Variants in TBC1D9 observed in about 807,000 individuals in gnomAD.
The protein encoded by TBC1D9 is TBC1 domain family member 9A.
In TBC1D9, 63 loss-of-function variants were observed where a neutral mutation model predicts 132.0. The ratio of observed to expected loss-of-function variants is 0.48; its 90% CI spans 0.39 to 0.59. The LOEUF (loss-of-function observed/expected upper bound fraction) is 0.59, where lower values mean the gene tolerates loss of function less well. Ranked by LOEUF, TBC1D9 falls within the 20% of genes least tolerant of loss-of-function variation. TBC1D9 has a pLI of 0.00. For missense variants in TBC1D9, 1,261 were observed against 1,592.7 expected (o/e 0.79, Z 3.54); for synonymous variants, 610 against 609.9 (o/e 1.00, Z 0.00).
chr4:140,714,043 T>TG (rs1278526401), intron 1 of TBC1D9, among the ~76,000 whole-genome samples: 1 of 152,150 alleles, frequency 6.6e-6, no homozygotes, highest in East Asian at 1.9e-4. Context: ...AATATTAGCC[T>TG]GGGGGGCTGA....
intron 9 of TBC1D9, among the ~76,000 whole-genome samples, chr4:140,668,032 AC>A (rs1737475384): frequency 6.6e-6 from 1 of 152,216 alleles, no homozygotes; most frequent in African/African-American, 2.4e-5. Context: ...AAAAATATTC[AC>A]ATAAGCCTAT....
intron 9 of TBC1D9, among the ~76,000 whole-genome samples, chr4:140,666,491 G>A (rs558410330): frequency 5.3e-5 from 8 of 152,168 alleles, no homozygotes; most frequent in Middle Eastern, 3.4e-3. Context: ...GCCCGCCACC[G>A]CGCCCATCTA....
chr4:140,656,885 G>T (rs1321102529), intron 13 of TBC1D9, among the ~76,000 whole-genome samples: 1 of 152,186 alleles, frequency 6.6e-6, no homozygotes, highest in Non-Finnish European at 1.5e-5. Context: ...CCCTCCGGAG[G>T]ACACTGCATG....
chr4:140,692,195 C>T (rs902930748), intron 2 of TBC1D9, among the ~76,000 whole-genome samples: 8 of 152,148 alleles, frequency 5.3e-5, no homozygotes, highest in Non-Finnish European at 8.8e-5. Context: ...ATAAAAACCA[C>T]TCATCACATA....
intron 1 of TBC1D9, among the ~76,000 whole-genome samples, chr4:140,731,795 GA>G (rs946753147): frequency 6.6e-5 from 10 of 151,888 alleles, no homozygotes; most frequent in African/African-American, 2.2e-4. Flanking sequence ...ATAGCTCTAT[GA>G]AAAAAACACG....
chr4:140,642,811 C>T (rs1332636086), intron 13 of TBC1D9: 7 of 614,352 alleles, frequency 1.1e-5, no homozygotes, highest in Non-Finnish European at 2.0e-5. Context: ...TGCAGTTCTT[C>T]CCCCTCTTGC....
intron 6 of TBC1D9, among the ~76,000 whole-genome samples, chr4:140,676,151 G>T (rs373743429): frequency 6.6e-6 from 1 of 152,114 alleles, no homozygotes. Flanking sequence ...CTATTTACTC[G>T]GCGTAGCCCA....
At chr4:140,624,292 A>G in intron 19 of TBC1D9, 22 bp downstream of exon 19, 1 of 1,613,164 alleles carries the variant, frequency 6.2e-7, no homozygotes, top group Non-Finnish European at 8.5e-7. Flanking sequence ...GAAGGTAAAC[A>G]TATAGAAGAG....
chr4:140,704,614 C>T (rs1213748535), intron 1 of TBC1D9, among the ~76,000 whole-genome samples: 1 of 152,076 alleles, frequency 6.6e-6, no homozygotes, highest in African/African-American at 2.4e-5. Context: ...CTGCCACTTC[C>T]TCCTGGAGCC....
Position 140,622,693 on chromosome 4 carries a change from T to C in TBC1D9, c.3303A>G (p.Pro1101=). Residue 1101 remains proline (P), a synonymous_variant, in exon 21 of 21, where the codon CCA becomes CCG. Coordinates refer to ENST00000442267, the MANE Select transcript of TBC1D9 (RefSeq NM_015130.3). ...CAGACTCCACCACGTAAGGCTGGCCTGGCCCTTTCTTGGGGAAGAGCACGC... is the reference window on the plus strand; with the variant it reads ...CAGACTCCACCACGTAAGGCTGGCCCGGCCCTTTCTTGGGGAAGAGCACGC... ...IPGVLFPKKG[P]GQPYVVESVE... is the part of the protein sequence containing the mutation. 1 of 1,611,840 alleles carries C rather than the reference T, an allele frequency of 6.2e-7. No individual in the cohort carries two copies. The highest frequency in any genetic ancestry group is 8.5e-7 in the Non-Finnish European group (1 of 1,179,302).
chr4:140,701,798 G>C (rs1003755664), intron 1 of TBC1D9, among the ~76,000 whole-genome samples, 184 bp from the exon 2 acceptor site: 1 of 152,200 alleles, frequency 6.6e-6, no homozygotes, highest in Non-Finnish European at 1.5e-5. Context: ...AACTTGACAA[G>C]GTCACGAGAA....
At chr4:140,661,761 A>T in intron 10 of TBC1D9, 132 bp downstream of exon 10, 1 of 727,572 alleles carries the variant, frequency 1.4e-6, no homozygotes, top group Non-Finnish European at 2.3e-6. Flanking sequence ...CAGAGTGTCA[A>T]CAGTGCCAAG....
intron 4 of TBC1D9, 78 bp downstream of exon 4, chr4:140,679,537 T>C (rs1737674277): frequency 2.0e-6 from 2 of 1,001,432 alleles, no homozygotes; most frequent in Non-Finnish European, 3.0e-6. Flanking sequence ...ATTTCTGATA[T>C]TTTGATGTGG....
At chr4:140,625,936 C>T (rs1178103795) in intron 18 of TBC1D9, among the ~76,000 whole-genome samples, 13 of 152,076 alleles carry the variant, frequency 8.5e-5, no homozygotes, top group Admixed American at 8.5e-4. Context: ...TTATTTTACC[C>T]GTACCTGAAA....
chr4:140,696,455 CAAAAAAAAAA>C (rs35713619), intron 2 of TBC1D9, among the ~76,000 whole-genome samples: 13 of 61,580 alleles, frequency 2.1e-4, no homozygotes, highest in African/African-American at 7.9e-4. Context: ...GAGTCCGTCT[CAAAAAAAAAA>C]AAAAAAAAAA....
chr4:140,742,592 TC>T (rs1296527583), intron 1 of TBC1D9, among the ~76,000 whole-genome samples: 1 of 141,548 alleles, frequency 7.1e-6, no homozygotes. Context: ...AGAATGCACA[TC>T]TGACAAGAAA....
At chr4:140,716,985 C>A (rs952718651) in intron 1 of TBC1D9, among the ~76,000 whole-genome samples, 1 of 150,874 alleles carries the variant, frequency 6.6e-6, no homozygotes. Flanking sequence ...TGGTCTCAAC[C>A]TATCTCTGCA....
intron 5 of TBC1D9, 90 bp from the exon 6 acceptor site, chr4:140,677,191 C>A: frequency 6.8e-7 from 1 of 1,474,520 alleles, no homozygotes; most frequent in Non-Finnish European, 9.3e-7. Context: ...GCCCATTTTC[C>A]ACCTCCTCAA....
intron 13 of TBC1D9, chr4:140,645,578 C>T (rs1310816788): frequency 3.6e-6 from 1 of 280,042 alleles, no homozygotes; most frequent in African/African-American, 2.3e-5. Flanking sequence ...TATCTTCCCC[C>T]AGTAGTAAGA....
Sources: gnomAD v4.1 joint callset for allele counts (sites outside exome capture counted in the v4.1 genomes callset) on GRCh38, gnomAD v4.1.1 for gene constraint, MANE v1.5 for transcripts, NCBI Gene and HGNC (gene_info 2026-07-23, HGNC 2026-07-21) for gene names.